The following FGD4 variants were observed in gnomAD, a reference collection of about 807,000 sequenced individuals.
FGD4 encodes FYVE, RhoGEF and PH domain containing 4, also known as FYVE, RhoGEF and PH domain-containing protein 4.
In FGD4, 42 loss-of-function variants were observed where a neutral mutation model predicts 102.0. That is an observed-to-expected ratio of 0.41 (90% confidence interval 0.32 to 0.53). The LOEUF (loss-of-function observed/expected upper bound fraction) is 0.53. Ranked by LOEUF, FGD4 falls within the 20% of genes least tolerant of loss-of-function variation. FGD4 has a pLI of 0.21. For synonymous variants in FGD4, 380 were observed against 375.7 expected, an observed-to-expected ratio of 1.01 and a Z score of -0.13; for missense variants, 902 against 1,078.2, an observed-to-expected ratio of 0.84 and a Z score of 2.29.
chr12:32,638,977 A>G lies in FGD4; in HGVS notation c.2454+182A>G, dbSNP rs1052684208. Reference sequence around the variant, plus strand: ...AGCTGATTGATTCATTTTATAGCCTATATTTTCTTCAGTTTGTGGATCATC... The same window carrying G: ...AGCTGATTGATTCATTTTATAGCCTGTATTTTCTTCAGTTTGTGGATCATC... On this transcript the variant is annotated intron_variant, in intron 16 of 16. Transcript: ENST00000534526. 1.1e-5 allele frequency: 16 copies of G among 1,439,518 alleles called. No individual in the cohort carries two copies. In the African/African-American group the frequency reaches 1.6e-4, roughly 14 times the overall value. The allele number at this position is 1,439,518 out of a possible 1,614,324, so 89.2% of individuals were successfully genotyped here. A position where few individuals can be genotyped will look rare whatever the true frequency, so the allele number is the denominator to read the frequency against.
Position 32,399,793 on chromosome 12 carries a change from G to A in FGD4, c.-1G>A, listed in dbSNP as rs1940570201. The A allele has an allele frequency of 6.5e-7, 1 of 1,530,408 alleles. No individual in the cohort carries two copies. Among genetic ancestry groups the A allele is most frequent in the Non-Finnish European group, 8.7e-7 (1 of 1,145,194 alleles). 94.8% of individuals were successfully genotyped at this position (1,530,408 alleles called of 1,614,324 possible). ...GGGGAGCGGCGGTCGAGCCCGGCAG[G>A]ATGAGCGACGAGGGCGGCTCCAACT... On this transcript the variant is annotated 5_prime_UTR_variant, in exon 1 of 17. Coordinates refer to ENST00000534526, the MANE Select transcript of FGD4 (RefSeq NM_001370298.3).
At chr12:32,453,212 A>ATATATC (rs1408798585) in intron 1 of FGD4, among the ~76,000 whole-genome samples, 871 of 55,606 alleles carry the variant, frequency 0.016, 27 homozygotes, top group African/African-American at 0.036. Context: ...ATATATATAT[A>ATATATC]TATATATAAT....
At chr12:32,471,440 A>G (rs906904926) in intron 1 of FGD4, among the ~76,000 whole-genome samples, 1 of 152,166 alleles carries the variant, frequency 6.6e-6, no homozygotes, top group African/African-American at 2.4e-5. Flanking sequence ...CTTAGACGCT[A>G]TGTTTCCTTT....
In FGD4 at chr12:32,602,453, A is replaced by C. The variant is rs1592369293; in HGVS notation, c.1404+136A>C. ...ATTCATTCTACTCCAAATTATGCAG[A>C]TCATCTCTGCAATGCTGAAATACGT... On this transcript the variant is annotated intron_variant, in intron 7 of 16. Coordinates refer to ENST00000534526, the MANE Select transcript of FGD4 (RefSeq NM_001370298.3). The C allele has an allele frequency of 3.1e-6, 3 of 978,072 alleles. No homozygotes were observed. In the South Asian group the frequency reaches 4.2e-5, roughly 14 times the overall value. The allele number at this position is 978,072 out of a possible 1,614,324, so 60.6% of individuals were successfully genotyped here. A position where few individuals can be genotyped will look rare whatever the true frequency, so the allele number is the denominator to read the frequency against.
intron 1 of FGD4, among the ~76,000 whole-genome samples, chr12:32,510,014 CAGCTGTGGCCA>C (rs1939193993): frequency 6.6e-6 from 1 of 152,216 alleles, no homozygotes; most frequent in Non-Finnish European, 1.5e-5. Context: ...CTTTGCTAGT[CAGCTGTGGCCA>C]TGGAACACAG....
At chr12:32,459,224 C>T (rs938779659) in intron 1 of FGD4, among the ~76,000 whole-genome samples, 2 of 134,600 alleles carry the variant, frequency 1.5e-5, no homozygotes, top group Admixed American at 8.5e-5. Flanking sequence ...CAGAGTCTCT[C>T]GCTCTATCAC....
chr12:32,488,430 T>A (rs897407808), intron 1 of FGD4, among the ~76,000 whole-genome samples: 5 of 152,118 alleles, frequency 3.3e-5, no homozygotes, highest in African/African-American at 1.2e-4. Flanking sequence ...ATTTGGAAGT[T>A]TGAAGACTTA....
rs557152616 is a variant in FGD4 at position 32,630,208 on chromosome 12, G to A, written c.2173-3341G>A. Among the ~76,000 whole-genome samples the A allele has an allele frequency of 5.9e-5, 9 of 152,264 alleles. No homozygotes were observed. The East Asian group carries it at 9.6e-4, about 16-fold the overall frequency. On this transcript the variant is annotated intron_variant, in intron 14 of 16. Coordinates refer to ENST00000534526, the MANE Select transcript of FGD4 (RefSeq NM_001370298.3). ...TCTTACTTTAACGTAAAGAAGCAAA[G>A]CATTACAATTATTTGCTGTATTTTT...
At position 32,597,395 on chromosome 12, in the gene FGD4, C is replaced by T. The variant is rs148814301; in HGVS notation, c.1012-1102C>T. On this transcript the variant is annotated intron_variant, in intron 4 of 16. Coordinates refer to ENST00000534526, the MANE Select transcript of FGD4 (RefSeq NM_001370298.3). ...CCATGGTAGAGAAATAAGTTTAATT[C>T]AAGATTCCAAAGCCAGATAATTGTA... 2.5e-3 allele frequency among the ~76,000 whole-genome samples: 386 copies of T among 152,216 alleles called. 8 individuals carry two copies. The highest frequency in any genetic ancestry group is 0.025 in the Admixed American group (378 of 15,292).
intron 1 of FGD4, among the ~76,000 whole-genome samples, chr12:32,503,321 A>G (rs1490491419): frequency 1.3e-5 from 2 of 152,200 alleles, no homozygotes; most frequent in East Asian, 3.9e-4. Flanking sequence ...TGGCTCATGC[A>G]GGTTCAGTCT....
At chr12:32,500,454 G>C (rs1938131451) in intron 1 of FGD4, among the ~76,000 whole-genome samples, 1 of 129,188 alleles carries the variant, frequency 7.7e-6, no homozygotes, top group African/African-American at 3.0e-5. Context: ...TTTATTTTGA[G>C]ACGAAGTCTC....
chr12:32,526,783 G>A (rs986144977), intron 1 of FGD4, among the ~76,000 whole-genome samples: 1 of 152,090 alleles, frequency 6.6e-6, no homozygotes, highest in Non-Finnish European at 1.5e-5. Flanking sequence ...GCAAGACCAC[G>A]AGCCCACTGG....
chr12:32,595,753 T>C (rs1947841988), intron 4 of FGD4, among the ~76,000 whole-genome samples: 1 of 152,198 alleles, frequency 6.6e-6, no homozygotes, highest in Non-Finnish European at 1.5e-5. Flanking sequence ...TATCCCGAAT[T>C]GTATTAAGTT....
chr12:32,516,808 T>C (rs1939942212), intron 1 of FGD4, among the ~76,000 whole-genome samples: 1 of 152,192 alleles, frequency 6.6e-6, no homozygotes, highest in South Asian at 2.1e-4. Context: ...ATGCCACTGA[T>C]CTATGAAGGT....
chr12:32,564,214 G>GT lies in FGD4; in HGVS notation c.245dup (p.Ser83IlefsTer2). ...CACAACCACACTGGTTGGTGAGAATGTATCTGAAGAAGAGGCTCAGGGAAT... is the reference window on the plus strand; with the variant it reads ...CACAACCACACTGGTTGGTGAGAATGTTATCTGAAGAAGAGGCTCAGGGAAT... On this transcript the variant is annotated frameshift_variant, in exon 2 of 17. Transcript: ENST00000534526. LOFTEE classifies it high-confidence loss of function. 6.5e-7 allele frequency: 1 copy of GT among 1,536,138 alleles called. No homozygotes were observed. The highest frequency in any genetic ancestry group is 2.4e-5 in the East Asian group (1 of 40,914).
At chr12:32,474,087 C>CA (rs34520473) in intron 1 of FGD4, among the ~76,000 whole-genome samples, 14,888 of 132,650 alleles carry the variant, frequency 0.11, 863 homozygotes, top group Middle Eastern at 0.29. Context: ...GACTCTGTCT[C>CA]AAAAAAAAAA....
At chr12:32,436,225 A>G (rs994702114) in intron 1 of FGD4, among the ~76,000 whole-genome samples, 15 of 152,250 alleles carry the variant, frequency 9.9e-5, no homozygotes, top group Non-Finnish European at 1.9e-4. Context: ...GAGAATGTTT[A>G]TTTAAAATAC....
chr12:32,399,770 G>A lies in FGD4; in HGVS notation c.-24G>A. Reference sequence around the variant, plus strand: ...GCTGGACGGGAGCGGGAGGAGTCGGGGAGCGGCGGTCGAGCCCGGCAGGAT... The same window carrying A: ...GCTGGACGGGAGCGGGAGGAGTCGGAGAGCGGCGGTCGAGCCCGGCAGGAT... On this transcript the variant is annotated 5_prime_UTR_variant, in exon 1 of 17. Transcript: ENST00000534526. 6.5e-7 allele frequency: 1 copy of A among 1,527,882 alleles called. No homozygotes were observed. The highest frequency in any genetic ancestry group is 8.7e-7 in the Non-Finnish European group (1 of 1,144,260). The allele number at this position is 1,527,882 out of a possible 1,614,324, so 94.6% of individuals were successfully genotyped here.
chr12:32,641,776 C>G lies in FGD4; in HGVS notation c.*1243C>G, dbSNP rs993698771. 12 of 152,094 alleles carry G rather than the reference C, an allele frequency of 7.9e-5. No homozygotes were observed. The highest frequency in any genetic ancestry group is 2.9e-4 in the African/African-American group (12 of 41,422). 9.4% of individuals were successfully genotyped at this position (152,094 alleles called of 1,614,324 possible). On this transcript the variant is annotated 3_prime_UTR_variant, in exon 17 of 17. Coordinates refer to ENST00000534526, the MANE Select transcript of FGD4 (RefSeq NM_001370298.3). ...TTCCTTTGTCGGAATGAAACAAAAT[C>G]CACATGTGATAACCTATGTTTGGGG... is the stretch of plus-strand genomic sequence containing the variant.
Sources: gnomAD v4.1 joint callset for allele counts (sites outside exome capture counted in the v4.1 genomes callset) on GRCh38, gnomAD v4.1.1 for gene constraint, MANE v1.5 for transcripts, NCBI Gene and HGNC (gene_info 2026-07-23, HGNC 2026-07-21) for gene names.